The following JAKMIP1 variants were observed in gnomAD, a reference collection of about 807,000 sequenced individuals.
JAKMIP1 encodes the protein janus kinase and microtubule interacting protein 1.
In JAKMIP1, 33 loss-of-function variants were observed where a neutral mutation model predicts 113.0. The ratio of observed to expected loss-of-function variants is 0.29; its 90% CI spans 0.22 to 0.39. The LOEUF is 0.39. Ranked by LOEUF, JAKMIP1 falls within the 10% of genes least tolerant of loss-of-function variation. The pLI, the probability that JAKMIP1 is intolerant of heterozygous loss-of-function variation, is 1.00. For missense variants in JAKMIP1, 813 were observed against 1,080.5 expected (o/e 0.75, Z 3.47); for synonymous variants, 480 against 459.9 (o/e 1.04, Z -0.56).
rs183518139 is a variant in JAKMIP1 at position 6,089,988 on chromosome 4, G to A, written c.625-4359C>T. Among the ~76,000 whole-genome samples the A allele has an allele frequency of 1.3e-4, 20 of 152,258 alleles. No homozygotes were observed. The East Asian group carries it at 2.7e-3, about 21-fold the overall frequency. ...TGTAATCCCAGCACTTTGGGAGGCCGAGGCAGGCGAATCACCTGGGGTCAG... is the reference window on the plus strand; with the variant it reads ...TGTAATCCCAGCACTTTGGGAGGCCAAGGCAGGCGAATCACCTGGGGTCAG... On this transcript the variant is annotated intron_variant, in intron 3 of 20. Coordinates refer to ENST00000409021, the MANE Select transcript of JAKMIP1 (RefSeq NM_001099433.2). This position sits in a 1 kb window ranked among gnomAD's most constrained non-coding sequence, Gnocchi z 5.3.
rs1007880501 is a variant in JAKMIP1 at position 6,178,851 on chromosome 4, C to T, written c.-148+21402G>A. On this transcript the variant is annotated intron_variant, in intron 1 of 20. Coordinates refer to ENST00000409021, the MANE Select transcript of JAKMIP1 (RefSeq NM_001099433.2). The surrounding 1 kb of genome is among the most constrained non-coding windows in gnomAD (Gnocchi z 5.5). ...CCCATCTCCCAACCTCAGAGCACCT[C>T]GTACTTGATTAAGGTCCCTCCCTCT... 1.3e-5 allele frequency among the ~76,000 whole-genome samples: 2 copies of T among 152,180 alleles called. No homozygotes were observed. Among genetic ancestry groups the T allele is most frequent in the Admixed American group, 6.5e-5 (1 of 15,282 alleles).
intron 1 of JAKMIP1, among the ~76,000 whole-genome samples, chr4:6,130,984 G>C (rs2108935564): frequency 6.6e-6 from 1 of 151,836 alleles, no homozygotes; most frequent in East Asian, 1.9e-4. Context: ...GACCAGCATG[G>C]GCAACATGAT....
chr4:6,082,889 C>A (rs1720793283), intron 5 of JAKMIP1, among the ~76,000 whole-genome samples: 1 of 152,050 alleles, frequency 6.6e-6, no homozygotes, highest in East Asian at 1.9e-4. Flanking sequence ...TACCAAGCCG[C>A]TGGTAAAAAG....
At chr4:6,054,191 A>T (rs747093560) in intron 12 of JAKMIP1, 43 bp from the exon 13 acceptor site, 1 of 1,601,200 alleles carries the variant, frequency 6.2e-7, no homozygotes, top group South Asian at 1.1e-5. Flanking sequence ...GGGTGGGAGC[A>T]CTGGGGTCCC....
At chr4:6,102,355 T>C (rs1464190882) in intron 3 of JAKMIP1, among the ~76,000 whole-genome samples, 1 of 152,158 alleles carries the variant, frequency 6.6e-6, no homozygotes, top group Admixed American at 6.5e-5. Context: ...TATTAGGAGA[T>C]GGGGTCTTTA....
chr4:6,064,100 A>T lies in JAKMIP1; in HGVS notation c.1431+780T>A, dbSNP rs1363438231. 6.6e-6 allele frequency among the ~76,000 whole-genome samples: 1 copy of T among 152,220 alleles called. No individual in the cohort carries two copies. Among genetic ancestry groups the T allele is most frequent in the African/African-American group, 2.4e-5 (1 of 41,470 alleles). ...GAAGAGGCAGAAGAGCAAGGTAGGG[A>T]AACAGCAGCCAAGCCTGACGCAGGC... On this transcript the variant is annotated intron_variant, in intron 9 of 20. Transcript: ENST00000409021. The surrounding 1 kb of genome is among the most constrained non-coding windows in gnomAD (Gnocchi z 4.3).
At chr4:6,098,705 A>C (rs1560181162) in intron 3 of JAKMIP1, among the ~76,000 whole-genome samples, 1 of 23,272 alleles carries the variant, frequency 4.3e-5, no homozygotes, top group Non-Finnish European at 1.0e-4. Context: ...AGAAAGAAAG[A>C]AAGAAAGAAA....
chr4:6,128,093 C>A (rs1717981924), intron 1 of JAKMIP1, among the ~76,000 whole-genome samples: 1 of 152,230 alleles, frequency 6.6e-6, no homozygotes, highest in African/African-American at 2.4e-5. Flanking sequence ...ACCACCACCT[C>A]CACCTGCGGG....
chr4:6,052,206 T>G (rs1715737259), intron 13 of JAKMIP1, among the ~76,000 whole-genome samples: 1 of 133,328 alleles, frequency 7.5e-6, no homozygotes, highest in Non-Finnish European at 1.5e-5. Flanking sequence ...TAGCCAAAAT[T>G]TAAAAAAATA....
rs537235567 is a variant in JAKMIP1 at position 6,087,414 on chromosome 4, A to G, written c.625-1785T>C. ...AGCAACCATGAGAAGAATTTGGTAC[A>G]GTGCCTAGCATATCGCAAGCCTGCC... On this transcript the variant is annotated intron_variant, in intron 3 of 20. Transcript: ENST00000409021. Among the ~76,000 whole-genome samples the G allele has an allele frequency of 2.5e-4, 38 of 152,336 alleles. 2 individuals carry two copies. In the Middle Eastern group the frequency reaches 0.014, roughly 55 times the overall value.
chr4:6,047,365 C>T (rs570060063), intron 16 of JAKMIP1, among the ~76,000 whole-genome samples: 13 of 152,232 alleles, frequency 8.5e-5, no homozygotes, highest in East Asian at 1.9e-4. Context: ...TGTGACTACA[C>T]GGAGCACTGT....
intron 3 of JAKMIP1, among the ~76,000 whole-genome samples, chr4:6,099,698 A>G (rs943333848): frequency 1.3e-5 from 2 of 152,152 alleles, no homozygotes; most frequent in Non-Finnish European, 2.9e-5. Context: ...CTAAATTCCT[A>G]TCTGGCATTG....
chr4:6,175,234 C>A (rs1220183385), intron 1 of JAKMIP1, among the ~76,000 whole-genome samples: 2 of 152,134 alleles, frequency 1.3e-5, no homozygotes, highest in Non-Finnish European at 2.9e-5. Flanking sequence ...GGTTAAGGAA[C>A]CTCCCCAAAG....
chr4:6,184,373 C>T lies in JAKMIP1; in HGVS notation c.-148+15880G>A, dbSNP rs1021503803. On this transcript the variant is annotated intron_variant, in intron 1 of 20. Transcript: ENST00000409021. This position sits in a 1 kb window ranked among gnomAD's most constrained non-coding sequence, Gnocchi z 4.5. ...CACACGCCTCCCTACTCCCAGCCCA[C>T]TGCTGGTTTTCAGACTCTGCCGCCT... Among the ~76,000 whole-genome samples the T allele has an allele frequency of 6.6e-6, 1 of 152,216 alleles. No individual in the cohort carries two copies. Among genetic ancestry groups the T allele is most frequent in the African/African-American group, 2.4e-5 (1 of 41,458 alleles).
At chr4:6,145,551 A>T (rs1720736034) in intron 1 of JAKMIP1, among the ~76,000 whole-genome samples, 1 of 152,150 alleles carries the variant, frequency 6.6e-6, no homozygotes, top group Non-Finnish European at 1.5e-5. Context: ...ATTCAAAAGA[A>T]TAAGAGCTGG....
chr4:6,126,285 A>AAC (rs1179875245), intron 1 of JAKMIP1, among the ~76,000 whole-genome samples: 65 of 128,582 alleles, frequency 5.1e-4, no homozygotes, highest in African/African-American at 1.9e-3. Flanking sequence ...ACCATGCAGA[A>AAC]ACACACACAC....
In JAKMIP1 at chr4:6,085,620, T is replaced by A; in HGVS notation, c.634A>T (p.Ile212Phe). 6.2e-7 allele frequency: 1 copy of A among 1,613,954 alleles called. No individual in the cohort carries two copies. The highest frequency in any genetic ancestry group is 8.5e-7 in the Non-Finnish European group (1 of 1,180,006). ...ERDIRRLMDE[I>F]KGKDRVILAL... is the part of the protein sequence containing the mutation. ...AGAATCACACGGTCTTTCCCTTTGATCTCATCCATCTGAAAAGGAGAAAGA... is the reference window on the plus strand; with the variant it reads ...AGAATCACACGGTCTTTCCCTTTGAACTCATCCATCTGAAAAGGAGAAAGA... Residue 212 changes from isoleucine (I) to phenylalanine (F), a missense_variant, in exon 4 of 21, where the codon ATC (isoleucine) becomes TTC (phenylalanine). Coordinates refer to ENST00000409021, the MANE Select transcript of JAKMIP1 (RefSeq NM_001099433.2).
At position 6,150,618 on chromosome 4, in the gene JAKMIP1, C is replaced by T. The variant is rs557103221; in HGVS notation, c.-147-37621G>A. On this transcript the variant is annotated intron_variant, in intron 1 of 20. Coordinates refer to ENST00000409021, the MANE Select transcript of JAKMIP1 (RefSeq NM_001099433.2). This position sits in a 1 kb window ranked among gnomAD's most constrained non-coding sequence, Gnocchi z 4.8. ...TGACCTTCATGAACAGACCACGGGG[C>T]CGGCAGCACCTGCATCAGCGTCTGT... 1.3e-5 allele frequency: 2 copies of T among 152,222 alleles called. No homozygotes were observed. Among genetic ancestry groups the T allele is most frequent in the South Asian group, 2.1e-4 (1 of 4,818 alleles). The allele number at this position is 152,222 out of a possible 1,614,324, so 9.4% of individuals were successfully genotyped here. A position where few individuals can be genotyped will look rare whatever the true frequency, so the allele number is the denominator to read the frequency against.
intron 3 of JAKMIP1, among the ~76,000 whole-genome samples, chr4:6,101,666 C>A (rs565324818): frequency 4.6e-4 from 68 of 146,558 alleles, no homozygotes; most frequent in African/African-American, 1.5e-3. Context: ...GCAGGTGGAT[C>A]ACTTGAGATC....
Sources: allele counts gnomAD v4.1 joint callset (sites outside exome capture counted in the v4.1 genomes callset), GRCh38; gene constraint gnomAD v4.1.1; non-coding constraint Gnocchi (gnomAD v3.1); transcripts MANE v1.5; gene names NCBI Gene and HGNC (gene_info 2026-07-23, HGNC 2026-07-21).